TNIK: variants seen among roughly 807,000 people sequenced by gnomAD.
The protein encoded by TNIK is TRAF2 and NCK interacting kinase, also known as TRAF2 and NCK-interacting protein kinase.
TNIK carries 49 observed loss-of-function variants against 191.3 expected under a neutral mutation model. The ratio of observed to expected loss-of-function variants is 0.26; its 90% CI spans 0.20 to 0.32. TNIK has a LOEUF of 0.32. Ranked by LOEUF, TNIK falls within the 10% of genes least tolerant of loss-of-function variation. The pLI is 1.00. For synonymous variants in TNIK, 594 were observed against 600.9 expected (o/e 0.99, Z 0.17); for missense variants, 1,155 against 1,702.3 (o/e 0.68, Z 5.66).
intron 1 of TNIK, among the ~76,000 whole-genome samples, chr3:171,420,679 T>G (rs12106693): frequency 0.046 from 6,934 of 152,246 alleles, 555 homozygotes; most frequent in African/African-American, 0.16. Context: ...TAACTAATAA[T>G]AAAATAGAAC....
At chr3:171,095,784 A>G (rs968010618) in intron 22 of TNIK, among the ~76,000 whole-genome samples, 1 of 152,336 alleles carries the variant, frequency 6.6e-6, no homozygotes, top group African/African-American at 2.4e-5. Context: ...AAACTGGAGC[A>G]GTGGATTGAA....
intron 2 of TNIK, among the ~76,000 whole-genome samples, chr3:171,283,159 TTAAA>T (rs1278302168): frequency 1.5e-5 from 2 of 135,564 alleles, no homozygotes; most frequent in Non-Finnish European, 3.3e-5. Flanking sequence ...TATACCTACT[TTAAA>T]AAAAAAAAAA....
chr3:171,354,149 T>A (rs2108446819), intron 2 of TNIK, among the ~76,000 whole-genome samples: 1 of 152,310 alleles, frequency 6.6e-6, no homozygotes. Context: ...TCATTATATA[T>A]ATGTAATATA....
chr3:171,357,156 T>A (rs1047506920), intron 2 of TNIK, among the ~76,000 whole-genome samples: 2 of 152,208 alleles, frequency 1.3e-5, no homozygotes, highest in Non-Finnish European at 2.9e-5. Flanking sequence ...TTTTTACTTA[T>A]CAGGTATCAA....
At chr3:171,081,776 ATCT>A (rs1720717237) in intron 27 of TNIK, among the ~76,000 whole-genome samples, 1 of 151,440 alleles carries the variant, frequency 6.6e-6, no homozygotes, top group African/African-American at 2.4e-5. Context: ...CCACACTCAA[ATCT>A]TTTTGTAGAC....
rs189952101 is a variant in TNIK at position 171,188,238 on chromosome 3, C to A, written c.639+464G>T. On this transcript the variant is annotated intron_variant, in intron 7 of 32. Transcript: ENST00000436636. ...TAGTCACCAATATTCCATCTGATTC[C>A]CTCTCATGAAAAAGAAACCCCAGAT... Among the ~76,000 whole-genome samples, 271 of 152,196 alleles carry A rather than the reference C, an allele frequency of 1.8e-3. 2 individuals carry two copies. Among genetic ancestry groups the A allele is most frequent in the African/African-American group, 6.2e-3 (256 of 41,516 alleles).
chr3:171,368,150 C>G (rs1715998842), intron 2 of TNIK, among the ~76,000 whole-genome samples: 1 of 152,198 alleles, frequency 6.6e-6, no homozygotes, highest in South Asian at 2.1e-4. Flanking sequence ...TCTTATAAGA[C>G]TGCAGAGTTT....
intron 19 of TNIK, among the ~76,000 whole-genome samples, chr3:171,108,839 G>T (rs1725385573): frequency 6.6e-6 from 1 of 152,166 alleles, no homozygotes; most frequent in Non-Finnish European, 1.5e-5. Flanking sequence ...CTAGGCTGGA[G>T]GTACAGAGCA....
At chr3:171,120,663 C>T (rs1712859109) in intron 18 of TNIK, among the ~76,000 whole-genome samples, 1 of 152,034 alleles carries the variant, frequency 6.6e-6, no homozygotes, top group Non-Finnish European at 1.5e-5. Context: ...GTTTATTTCT[C>T]ACTCACATCA....
intron 2 of TNIK, among the ~76,000 whole-genome samples, chr3:171,241,508 A>G (rs1161325650): frequency 2.0e-5 from 3 of 152,242 alleles, no homozygotes; most frequent in African/African-American, 7.2e-5. Flanking sequence ...TTAAAATTCT[A>G]TTTAAATTCT....
At chr3:171,108,536 A>G (rs1250064591) in intron 19 of TNIK, among the ~76,000 whole-genome samples, 1 of 152,200 alleles carries the variant, frequency 6.6e-6, no homozygotes, top group African/African-American at 2.4e-5. Flanking sequence ...ATTTACAAAG[A>G]TGACACAACT....
At chr3:171,141,459 C>G (rs1197189501) in intron 12 of TNIK, among the ~76,000 whole-genome samples, 6 of 152,170 alleles carry the variant, frequency 3.9e-5, no homozygotes, top group Non-Finnish European at 7.3e-5. Flanking sequence ...TCATTATACT[C>G]TCAGGAAAGG....
intron 3 of TNIK, among the ~76,000 whole-genome samples, chr3:171,219,307 TATA>T (rs1336314201): frequency 1.4e-5 from 2 of 144,882 alleles, no homozygotes; most frequent in South Asian, 2.1e-4. Context: ...ATTTTATATA[TATA>T]ATGATGTGTA....
At chr3:171,243,863 G>A (rs1005471858) in intron 2 of TNIK, among the ~76,000 whole-genome samples, 4 of 152,046 alleles carry the variant, frequency 2.6e-5, no homozygotes, top group Admixed American at 2.6e-4. Flanking sequence ...AATATATGTG[G>A]TTTTAGGAAA....
intron 4 of TNIK, among the ~76,000 whole-genome samples, chr3:171,202,223 T>G (rs1229598655): frequency 2.0e-5 from 3 of 152,092 alleles, no homozygotes; most frequent in African/African-American, 7.2e-5. Flanking sequence ...GTTTTTTTTT[T>G]GGTAGGAGTA....
chr3:171,183,319 C>G (rs1249862968), intron 7 of TNIK, among the ~76,000 whole-genome samples: 1 of 152,220 alleles, frequency 6.6e-6, no homozygotes, highest in East Asian at 1.9e-4. Context: ...TCCATTATCA[C>G]AAAGCAGAGA....
intron 6 of TNIK, among the ~76,000 whole-genome samples, chr3:171,189,742 AT>A (rs940978122): frequency 7.9e-5 from 12 of 152,208 alleles, no homozygotes; most frequent in African/African-American, 2.9e-4. Flanking sequence ...GGCATATAAT[AT>A]ATACTCAACA....
Position 171,437,132 on chromosome 3 carries a change from A to G in TNIK, c.57+22875T>C, listed in dbSNP as rs182780101. On this transcript the variant is annotated intron_variant, in intron 1 of 32. Transcript: ENST00000436636. The stretch of plus-strand genomic sequence containing the variant: ...GAGTCAATTTAATACATTTGATTTC[A>G]AAGATTCTATCCAGTGAAGTCATAG... Among the ~76,000 whole-genome samples, 2 of 152,350 alleles carry G rather than the reference A, an allele frequency of 1.3e-5. 1 individual carries two copies. The highest frequency in any genetic ancestry group is 1.3e-4 in the Admixed American group (2 of 15,300).
intron 1 of TNIK, among the ~76,000 whole-genome samples, chr3:171,391,073 G>A (rs917364980): frequency 1.3e-5 from 2 of 152,136 alleles, no homozygotes; most frequent in African/African-American, 2.4e-5. Context: ...AATAAGTTGA[G>A]GCACTTTTCC....
Sources: gnomAD v4.1 joint callset for allele counts (sites outside exome capture counted in the v4.1 genomes callset) on GRCh38, gnomAD v4.1.1 for gene constraint, MANE v1.5 for transcripts, NCBI Gene and HGNC (gene_info 2026-07-23, HGNC 2026-07-21) for gene names.